CSMD3: variants seen among roughly 807,000 people sequenced by gnomAD.
CSMD3 encodes the protein CUB and sushi domain-containing protein 3.
In CSMD3, 177 loss-of-function variants were observed where a neutral mutation model predicts 435.2. The ratio of observed to expected loss-of-function variants is 0.41; its 90% CI spans 0.36 to 0.46. CSMD3 has a LOEUF of 0.46. CSMD3 is among the 20% of genes least tolerant of loss of function. The pLI, the probability that CSMD3 is intolerant of heterozygous loss-of-function variation, is 0.34. For missense variants in CSMD3, 4,265 were observed against 4,504.6 expected (o/e 0.95, Z 1.52); for synonymous variants, 1,656 against 1,520.5 (o/e 1.09, Z -2.07).
intron 4 of CSMD3, among the ~76,000 whole-genome samples, chr8:113,129,929 T>A (rs1280638119): frequency 6.6e-6 from 1 of 151,966 alleles, no homozygotes; most frequent in East Asian, 1.9e-4. Flanking sequence ...TTTATTTTAC[T>A]TATATATGCT....
At chr8:112,586,218 G>A (rs536706357) in intron 23 of CSMD3, among the ~76,000 whole-genome samples, 404 of 151,234 alleles carry the variant, frequency 2.7e-3, no homozygotes, top group African/African-American at 9.3e-3. Flanking sequence ...AGCCAATTTG[G>A]AATAACATAA....
At chr8:113,389,332 A>G (rs565051619) in intron 1 of CSMD3, among the ~76,000 whole-genome samples, 1 of 151,866 alleles carries the variant, frequency 6.6e-6, no homozygotes, top group South Asian at 2.1e-4. Context: ...GCTAAAAACA[A>G]TAAAAACAAC....
intron 13 of CSMD3, among the ~76,000 whole-genome samples, chr8:112,730,436 A>G (rs1283400967): frequency 6.6e-6 from 1 of 152,142 alleles, no homozygotes; most frequent in Non-Finnish European, 1.5e-5. Flanking sequence ...TGAGTAGGTG[A>G]AGGACATAGA....
chr8:113,407,535 A>G (rs1485817712), intron 1 of CSMD3, among the ~76,000 whole-genome samples: 1 of 151,936 alleles, frequency 6.6e-6, no homozygotes, highest in African/African-American at 2.4e-5. Flanking sequence ...TGACTTTAAT[A>G]TTGGAGATAC....
chr8:113,256,022 C>T (rs1317697140), intron 3 of CSMD3, among the ~76,000 whole-genome samples: 2 of 151,792 alleles, frequency 1.3e-5, no homozygotes, highest in Non-Finnish European at 2.9e-5. Flanking sequence ...ATAGTAAGTA[C>T]ATATATCAGA....
chr8:113,177,626 G>A (rs896900234), intron 3 of CSMD3, among the ~76,000 whole-genome samples: 5 of 151,892 alleles, frequency 3.3e-5, no homozygotes, highest in African/African-American at 1.2e-4. Flanking sequence ...CACTTAGAGC[G>A]GGCAGGTTGA....
At chr8:112,384,165 T>C (rs1829732017) in intron 36 of CSMD3, among the ~76,000 whole-genome samples, 1 of 152,228 alleles carries the variant, frequency 6.6e-6, no homozygotes, top group Non-Finnish European at 1.5e-5. Context: ...TGCATAAACT[T>C]TGCTCAATTT....
chr8:112,642,319 T>C (rs1453490402), intron 20 of CSMD3, among the ~76,000 whole-genome samples: 1 of 152,114 alleles, frequency 6.6e-6, no homozygotes, highest in Non-Finnish European at 1.5e-5. Flanking sequence ...CTATTTATAA[T>C]TAGCATCCTG....
intron 22 of CSMD3, among the ~76,000 whole-genome samples, chr8:112,602,858 G>A (rs1358864671): frequency 6.6e-6 from 1 of 152,054 alleles, no homozygotes; most frequent in Non-Finnish European, 1.5e-5. Flanking sequence ...GAAATGGTAG[G>A]CAATCACAGC....
chr8:112,290,428 A>G (rs780053635), intron 56 of CSMD3, among the ~76,000 whole-genome samples: 1 of 152,046 alleles, frequency 6.6e-6, no homozygotes, highest in Non-Finnish European at 1.5e-5. Flanking sequence ...TTTTAACTTT[A>G]ATGTGGTAGC....
At chr8:112,335,899 C>T (rs1369644394) in intron 44 of CSMD3, among the ~76,000 whole-genome samples, 1 of 151,914 alleles carries the variant, frequency 6.6e-6, no homozygotes, top group Non-Finnish European at 1.5e-5. Context: ...CAGATACTTT[C>T]TTTAATACAT....
At chr8:112,681,643 A>G (rs534706373) in intron 16 of CSMD3, among the ~76,000 whole-genome samples, 31 of 152,188 alleles carry the variant, frequency 2.0e-4, no homozygotes, top group Admixed American at 5.2e-4. Context: ...AGGCAGACAG[A>G]TCACTTGATA....
chr8:113,317,377 C>G (rs1327255592), intron 1 of CSMD3, among the ~76,000 whole-genome samples: 1 of 152,136 alleles, frequency 6.6e-6, no homozygotes, highest in East Asian at 1.9e-4. Flanking sequence ...TTTATATACT[C>G]TCAAGCCCCA....
intron 9 of CSMD3, among the ~76,000 whole-genome samples, chr8:112,936,537 TTTTC>T (rs1270244178): frequency 6.6e-6 from 1 of 152,100 alleles, no homozygotes; most frequent in Non-Finnish European, 1.5e-5. Context: ...TGCATATAGG[TTTTC>T]TTTATCTTTA....
At chr8:113,263,216 A>T (rs1428463742) in intron 3 of CSMD3, among the ~76,000 whole-genome samples, 1 of 152,006 alleles carries the variant, frequency 6.6e-6, no homozygotes, top group Non-Finnish European at 1.5e-5. Flanking sequence ...AATATTGATA[A>T]GTGCCTTCAA....
At chr8:112,382,599 A>T in intron 37 of CSMD3, among the ~76,000 whole-genome samples, 1 of 152,344 alleles carries the variant, frequency 6.6e-6, no homozygotes. Flanking sequence ...GAGTTTAAAA[A>T]GTATAATAGT....
intron 38 of CSMD3, among the ~76,000 whole-genome samples, chr8:112,353,050 A>T (rs1011626038): frequency 6.6e-6 from 1 of 152,126 alleles, no homozygotes; most frequent in Non-Finnish European, 1.5e-5. Flanking sequence ...TAAAATTTTT[A>T]AAATATAGTT....
At chr8:113,147,789 T>C (rs189954349) in intron 4 of CSMD3, among the ~76,000 whole-genome samples, 95 of 151,800 alleles carry the variant, frequency 6.3e-4, no homozygotes, top group Non-Finnish European at 1.3e-3. Flanking sequence ...TTCTCTTCCT[T>C]GATAAGGCCT....
In CSMD3 at chr8:112,795,909, G is replaced by C. The variant is rs539284918; in HGVS notation, c.1972+4253C>G. ...TTTTTCTTTATAAAAGTAATAATCA[G>C]TTAGCATTCCTAAATAATTCAAGTC... On this transcript the variant is annotated intron_variant, in intron 13 of 70. Coordinates refer to ENST00000297405, the MANE Select transcript of CSMD3 (RefSeq NM_198123.2). Among the ~76,000 whole-genome samples, 3 of 152,106 alleles carry C rather than the reference G, an allele frequency of 2.0e-5. No homozygotes were observed. The South Asian group carries it at 6.2e-4, about 32-fold the overall frequency.
Sources: gnomAD v4.1 joint callset for allele counts (sites outside exome capture counted in the v4.1 genomes callset) on GRCh38, gnomAD v4.1.1 for gene constraint, MANE v1.5 for transcripts, NCBI Gene and HGNC (gene_info 2026-07-23, HGNC 2026-07-21) for gene names.